The following SNX8 variants were observed in gnomAD, a reference collection of about 807,000 sequenced individuals.
SNX8 encodes the protein sorting nexin 8.
Under a neutral mutation model 51.6 loss-of-function variants are expected in SNX8, and 25 were observed. The ratio of observed to expected loss-of-function variants is 0.48; its 90% CI spans 0.35 to 0.68. The LOEUF (loss-of-function observed/expected upper bound fraction) is 0.68. Among genes scored for constraint, SNX8 ranks in the 30% least tolerant of loss-of-function variants. The pLI is 0.00. For synonymous variants in SNX8, 324 were observed against 277.0 expected, an observed-to-expected ratio of 1.17 and a Z score of -1.68; for missense variants, 695 against 624.0, an observed-to-expected ratio of 1.11 and a Z score of -1.21.
chr7:2,309,600 G>T (rs924852770), intron 1 of SNX8, among the ~76,000 whole-genome samples: 2 of 152,040 alleles, frequency 1.3e-5, no homozygotes, highest in South Asian at 2.1e-4. Flanking sequence ...GTGTGGTGAC[G>T]CATGCCTGTA....
At chr7:2,312,876 A>T (rs1038581056) in intron 1 of SNX8, among the ~76,000 whole-genome samples, 3 of 151,838 alleles carry the variant, frequency 2.0e-5, no homozygotes, top group African/African-American at 7.3e-5. Flanking sequence ...ATTCCTTCTA[A>T]TGTTTAGCCT....
At chr7:2,319,225 G>C (rs939553157), upstream of SNX8, among the ~76,000 whole-genome samples, 1 of 151,806 alleles carries the variant, frequency 6.6e-6, no homozygotes, top group African/African-American at 2.4e-5. Flanking sequence ...TGTAATCCCA[G>C]CTACTGGGGA....
intron 1 of SNX8, among the ~76,000 whole-genome samples, chr7:2,340,020 T>C (rs751717420): frequency 6.6e-6 from 1 of 151,932 alleles, no homozygotes; most frequent in Non-Finnish European, 1.5e-5. Context: ...AACAAAAAAT[T>C]TGAATTGAAA....
intron 1 of SNX8, among the ~76,000 whole-genome samples, chr7:2,302,124 C>T (rs942774510): frequency 6.6e-6 from 1 of 150,898 alleles, no homozygotes; most frequent in Non-Finnish European, 1.5e-5. Flanking sequence ...CCCTCTCCCT[C>T]TCTTTCCACG....
At chr7:2,303,024 C>T (rs1241053070) in intron 1 of SNX8, among the ~76,000 whole-genome samples, 15 of 151,674 alleles carry the variant, frequency 9.9e-5, no homozygotes, top group Non-Finnish European at 1.6e-4. Context: ...GGTCAGCCCC[C>T]GCCAGGCCAG....
chr7:2,318,798 G>A (rs1796792676), upstream of SNX8, among the ~76,000 whole-genome samples: 1 of 150,628 alleles, frequency 6.6e-6, no homozygotes, highest in African/African-American at 2.4e-5. Flanking sequence ...GATCACTTGA[G>A]CCCAGGAATT....
intron 4 of SNX8, among the ~76,000 whole-genome samples, chr7:2,270,470 AAAGC>A (rs1795618499): frequency 1.3e-5 from 2 of 151,982 alleles, no homozygotes; most frequent in Admixed American, 1.3e-4. Flanking sequence ...CTAAAAACAG[AAAGC>A]AAGCAAGAAA....
intron 1 of SNX8, among the ~76,000 whole-genome samples, chr7:2,298,495 G>C (rs543743748): frequency 1.3e-5 from 2 of 151,446 alleles, no homozygotes; most frequent in Admixed American, 1.3e-4. Context: ...TCAGCCTCCC[G>C]GGTAGCTGGG....
chr7:2,269,534 A>G (rs9769803), intron 5 of SNX8, 25 bp downstream of exon 5: 7 of 1,401,776 alleles, frequency 5.0e-6, no homozygotes, highest in South Asian at 1.4e-5. Flanking sequence ...AAAAAAAAAA[A>G]AAAAGAAAAA....
chr7:2,292,648 TGATCCACCCGCCTCG>T (rs549697533), intron 1 of SNX8, among the ~76,000 whole-genome samples: 3 of 152,032 alleles, frequency 2.0e-5, no homozygotes, highest in Non-Finnish European at 4.4e-5. Flanking sequence ...CCTGACCTCA[TGATCCACCCGCCTCG>T]GCCTCCCGAA....
At chr7:2,287,444 T>C (rs1433014924) in intron 1 of SNX8, among the ~76,000 whole-genome samples, 17 of 151,902 alleles carry the variant, frequency 1.1e-4, no homozygotes, top group Admixed American at 1.1e-3. Flanking sequence ...ACGGGTGTGG[T>C]GGCGCATGCC....
At chr7:2,266,686 T>C (rs1419962387) in intron 5 of SNX8, among the ~76,000 whole-genome samples, 4 of 152,000 alleles carry the variant, frequency 2.6e-5, no homozygotes. Flanking sequence ...TTTTCCTTTT[T>C]TGTTTTGTAT....
chr7:2,297,695 A>G (rs568701885), intron 1 of SNX8, among the ~76,000 whole-genome samples: 4 of 151,974 alleles, frequency 2.6e-5, no homozygotes, highest in Non-Finnish European at 4.4e-5. Flanking sequence ...ACATCATGGA[A>G]TTCTACTCAG....
At chr7:2,267,346 CA>C (rs1481060063) in intron 5 of SNX8, among the ~76,000 whole-genome samples, 1 of 142,158 alleles carries the variant, frequency 7.0e-6, no homozygotes, top group Non-Finnish European at 1.5e-5. Flanking sequence ...CCCTCTCCCT[CA>C]CCCCACAGTC....
chr7:2,257,774 C>A lies in SNX8; in HGVS notation c.945G>T (p.Glu315Asp). 1 of 1,614,082 alleles carries A rather than the reference C, an allele frequency of 6.2e-7. No individual in the cohort carries two copies. The highest frequency in any genetic ancestry group is 8.5e-7 in the Non-Finnish European group (1 of 1,180,022). ...GCAGATCCAAGAAGAGGTTCAGCTTCTCCACCACGTCGTTCTCTTCCTGCT... is the reference window on the plus strand; with the variant it reads ...GCAGATCCAAGAAGAGGTTCAGCTTATCCACCACGTCGTTCTCTTCCTGCT... ...QGKQEENDVV[E>D]KLNLFLDLLQ... The change falls in exon 8 of 11, where the codon GAG (glutamate) becomes GAT (aspartate). Residue 315 changes from glutamate (E) to aspartate (D), a missense_variant. Coordinates refer to ENST00000222990, the MANE Select transcript of SNX8 (RefSeq NM_013321.4).
At chr7:2,300,502 T>C (rs1796366964) in intron 1 of SNX8, among the ~76,000 whole-genome samples, 1 of 152,126 alleles carries the variant, frequency 6.6e-6, no homozygotes, top group African/African-American at 2.4e-5. Context: ...AGCCTCAGTC[T>C]CTTGGGCTCA....
rs558555907 is a variant in SNX8 at position 2,276,791 on chromosome 7, A to T, written c.300+1309T>A. On this transcript the variant is annotated intron_variant, in intron 2 of 10. Coordinates refer to ENST00000222990, the MANE Select transcript of SNX8 (RefSeq NM_013321.4). ...GAGATCCCATCTCTACAAATAATTT[A>T]AAAAACTGCCTGGTGTGGTGGCATC... 5.3e-5 allele frequency among the ~76,000 whole-genome samples: 8 copies of T among 152,334 alleles called. No individual in the cohort carries two copies. The East Asian group carries it at 5.8e-4, about 11-fold the overall frequency.
In SNX8 at chr7:2,344,165, T is replaced by C. The variant is rs186613542; in HGVS notation, c.-66+10057A>G. ...GCTGCAGTGAGCCATGATCACGTAA[T>C]TGAGCCTGGGCGACAGAGCAAGACT... is the stretch of plus-strand genomic sequence containing the variant. On this transcript the variant is annotated intron_variant, in intron 1 of 5. Coordinates refer to the SNX8 transcript ENST00000435336. Among the ~76,000 whole-genome samples, 282 of 151,552 alleles carry C rather than the reference T, an allele frequency of 1.9e-3. 3 individuals are homozygous for C. The highest frequency in any genetic ancestry group is 4.9e-3 in the African/African-American group (204 of 41,306).
In SNX8 at chr7:2,304,215, AC is replaced by A. The variant is rs1361393760; in HGVS notation, c.94+10112del. 4.7e-5 allele frequency among the ~76,000 whole-genome samples: 7 copies of A among 147,930 alleles called. No homozygotes were observed. The East Asian group carries it at 1.4e-3, about 29-fold the overall frequency. ...GGGGATCAGTGGGACTCATTCTCCCACCCCTGCTCTGCAAAGAAGGACCGAC... is the reference window on the plus strand; with the variant it reads ...GGGGATCAGTGGGACTCATTCTCCCACCCTGCTCTGCAAAGAAGGACCGAC... On this transcript the variant is annotated intron_variant, in intron 1 of 10. Transcript: ENST00000222990.
Sources: allele counts gnomAD v4.1 joint callset (sites outside exome capture counted in the v4.1 genomes callset), GRCh38; gene constraint gnomAD v4.1.1; transcripts MANE v1.5; gene names NCBI Gene and HGNC (gene_info 2026-07-23, HGNC 2026-07-21).